CHN2: variants seen among roughly 807,000 people sequenced by gnomAD.
CHN2 encodes beta-chimaerin.
Under a neutral mutation model 56.3 loss-of-function variants are expected in CHN2, and 35 were observed. That is an observed-to-expected ratio of 0.62 (90% CI 0.47 to 0.82). The LOEUF (loss-of-function observed/expected upper bound fraction) is 0.82. CHN2 is among the 40% of genes least tolerant of loss of function. The pLI is 0.00. For missense variants in CHN2, 491 were observed against 580.5 expected (o/e 0.85, Z 1.58); for synonymous variants, 210 against 212.8 (o/e 0.99, Z 0.12).
intron 2 of CHN2, among the ~76,000 whole-genome samples, chr7:29,153,085 A>G (rs1348079120): frequency 6.6e-6 from 1 of 152,248 alleles, no homozygotes; most frequent in African/African-American, 2.4e-5. Context: ...ACAGAACTTC[A>G]GGAAGTCTCA....
rs7811293 is a variant in CHN2 at position 29,404,256 on chromosome 7, C to G, written c.576+3428C>G. Among the ~76,000 whole-genome samples the G allele has an allele frequency of 8.1e-3, 1,237 of 152,238 alleles. 15 individuals are homozygous for G. The highest frequency in any genetic ancestry group is 0.028 in the African/African-American group (1,154 of 41,534). ...TCATGTAAGCAGAAAACTGCTATTA[C>G]GAGCTATAATAACTAGTATTTTCTT... On this transcript the variant is annotated intron_variant, in intron 6 of 12. Transcript: ENST00000222792.
At chr7:29,433,546 A>G (rs888836956) in intron 6 of CHN2, among the ~76,000 whole-genome samples, 1 of 152,100 alleles carries the variant, frequency 6.6e-6, no homozygotes, top group East Asian at 1.9e-4. Flanking sequence ...TCTAGAAAGA[A>G]CCTTACAGGG....
At chr7:29,476,536 C>CA (rs35924824) in intron 6 of CHN2, among the ~76,000 whole-genome samples, 90,651 of 143,410 alleles carry the variant, frequency 0.63, 28,319 homozygotes, top group East Asian at 0.77. Flanking sequence ...GAGTCCGTCT[C>CA]AAAAAAAAAA....
chr7:29,413,034 A>G (rs904856473), intron 6 of CHN2, among the ~76,000 whole-genome samples: 2 of 152,322 alleles, frequency 1.3e-5, no homozygotes, highest in African/African-American at 4.8e-5. Context: ...AGGTTGCAGA[A>G]CTGGCATTAC....
intron 1 of CHN2, among the ~76,000 whole-genome samples, chr7:29,247,198 A>G (rs1169500071): frequency 1.3e-5 from 2 of 152,220 alleles, no homozygotes; most frequent in Non-Finnish European, 2.9e-5. Context: ...CAGAGATAAG[A>G]GTAGGGAGAG....
intron 1 of CHN2, among the ~76,000 whole-genome samples, chr7:29,260,222 C>A (rs1789422475): frequency 1.3e-5 from 2 of 152,066 alleles, no homozygotes; most frequent in African/African-American, 4.8e-5. Flanking sequence ...GGTGATCTGC[C>A]CATCTTGGCC....
At chr7:29,272,865 G>A (rs1790779020) in intron 1 of CHN2, among the ~76,000 whole-genome samples, 1 of 152,082 alleles carries the variant, frequency 6.6e-6, no homozygotes, top group Non-Finnish European at 1.5e-5. Context: ...CAGTAAAATG[G>A]TTACAATAGT....
chr7:29,409,015 T>C (rs1250597917), intron 6 of CHN2, among the ~76,000 whole-genome samples: 1 of 152,082 alleles, frequency 6.6e-6, no homozygotes, highest in Non-Finnish European at 1.5e-5. Context: ...GATGTGAAAA[T>C]GTGCAAGAAC....
At chr7:29,470,325 T>A (rs898055478) in intron 6 of CHN2, among the ~76,000 whole-genome samples, 1 of 152,236 alleles carries the variant, frequency 6.6e-6, no homozygotes, top group African/African-American at 2.4e-5. Context: ...TCAACATCCA[T>A]GTTTCAGGAC....
intron 12 of CHN2, among the ~76,000 whole-genome samples, chr7:29,512,041 C>T (rs922482222): frequency 2.0e-5 from 3 of 152,162 alleles, no homozygotes; most frequent in East Asian, 1.9e-4. Context: ...CCCACGATAA[C>T]GGCCTGACTC....
intron 1 of CHN2, among the ~76,000 whole-genome samples, chr7:29,254,574 T>C (rs1584880243): frequency 6.6e-6 from 1 of 152,178 alleles, no homozygotes; most frequent in East Asian, 1.9e-4. Flanking sequence ...AAATGACTTA[T>C]GACAGGGTTT....
rs1290810721 is a variant in CHN2, at chr7:29,240,818, C to CGTT, written c.49+45830_49+45831insTGT. The stretch of plus-strand genomic sequence containing the variant: ...TCTTCCTCTTCTTCTTCTTCTTCTT[C>CGTT]GTCGTCGTCGTCGTCGTCTTCGTCT... On this transcript the variant is annotated intron_variant, in intron 1 of 12. Coordinates refer to ENST00000222792, the MANE Select transcript of CHN2 (RefSeq NM_004067.4). Among the ~76,000 whole-genome samples, 8 of 149,514 alleles carry CGTT rather than the reference C, an allele frequency of 5.4e-5. 1 individual carries two copies. The East Asian group carries it at 1.2e-3, about 22-fold the overall frequency.
chr7:29,350,289 A>AT (rs34415318), intron 1 of CHN2, among the ~76,000 whole-genome samples: 8,501 of 149,302 alleles, frequency 0.057, 831 homozygotes, highest in African/African-American at 0.2. Context: ...TTGAAAACCT[A>AT]TTTTTTTTTT....
chr7:29,304,066 A>G (rs1305858070), intron 1 of CHN2, among the ~76,000 whole-genome samples: 1 of 151,878 alleles, frequency 6.6e-6, no homozygotes, highest in Non-Finnish European at 1.5e-5. Flanking sequence ...TCTCAAGAAA[A>G]AAAAAAAAAG....
chr7:29,289,186 T>C (rs911440119), intron 1 of CHN2: 1 of 152,240 alleles, frequency 6.6e-6, no homozygotes, highest in African/African-American at 2.4e-5. Flanking sequence ...TAGGTTGGAC[T>C]TAATTAAAAA....
At chr7:29,390,468 C>G (rs1048694241) in intron 3 of CHN2, among the ~76,000 whole-genome samples, 1 of 152,198 alleles carries the variant, frequency 6.6e-6, no homozygotes, top group Non-Finnish European at 1.5e-5. Flanking sequence ...CAGAACCAGT[C>G]TTCATTCTTG....
At chr7:29,480,496 C>T in intron 7 of CHN2, 140 bp downstream of exon 7, 1 of 888,206 alleles carries the variant, frequency 1.1e-6, no homozygotes, top group African/African-American at 1.7e-5. Context: ...ATAAGCTTAA[C>T]ACCTGCGCTT....
intron 3 of CHN2, among the ~76,000 whole-genome samples, chr7:29,383,537 C>T (rs1417110428): frequency 6.6e-6 from 1 of 152,142 alleles, no homozygotes; most frequent in Non-Finnish European, 1.5e-5. Flanking sequence ...AAACACCGTC[C>T]CAGACACAAC....
At chr7:29,296,084 ATTTT>A (rs11367150) in intron 1 of CHN2, among the ~76,000 whole-genome samples, 38 of 145,422 alleles carry the variant, frequency 2.6e-4, no homozygotes, top group African/African-American at 7.5e-4. Context: ...TGTAATCACC[ATTTT>A]TTTTTTTTTT....
Sources: allele counts gnomAD v4.1 joint callset (sites outside exome capture counted in the v4.1 genomes callset), GRCh38; gene constraint gnomAD v4.1.1; transcripts MANE v1.5; gene names NCBI Gene and HGNC (gene_info 2026-07-23, HGNC 2026-07-21).